LAMB3: variants seen among roughly 807,000 people sequenced by gnomAD.
LAMB3 encodes the protein laminin subunit beta 3.
Under a neutral mutation model 140.3 loss-of-function variants are expected in LAMB3, and 104 were observed. The observed-to-expected ratio is 0.74, with a 90% CI of 0.63 to 0.87. LAMB3 has a LOEUF of 0.87. Among genes scored for constraint, LAMB3 ranks in the 40% least tolerant of loss-of-function variants. LAMB3 has a pLI of 0.00. For synonymous variants in LAMB3, 592 were observed against 602.9 expected (o/e 0.98, Z 0.26); for missense variants, 1,531 against 1,575.2 (o/e 0.97, Z 0.47).
intron 8 of LAMB3, among the ~76,000 whole-genome samples, chr1:209,632,295 T>C (rs1465689905): frequency 1.3e-5 from 2 of 152,208 alleles, no homozygotes; most frequent in Non-Finnish European, 2.9e-5. Context: ...AGTGAAATTA[T>C]AATGCATAAC....
Position 209,623,639 on chromosome 1 carries a change from G to A in LAMB3, c.2224C>T (p.Leu742Phe). Residue 742 changes from leucine to phenylalanine, a missense_variant, in exon 16 of 23, where the codon CTC becomes TTC. Transcript: ENST00000356082. This position sits in a 1 kb window ranked among gnomAD's most constrained non-coding sequence, Gnocchi z 4.2. ...TCTGCCTCTCTCCGGCTGTCCCTGA[G>A]CTGGTCCAAAAGGCGCGAGCTGTCG... is the stretch of plus-strand genomic sequence containing the variant. Reference protein sequence around the residue: ...VSDSSRLLDQLRDSRREAERL... With the variant: ...VSDSSRLLDQFRDSRREAERL... The A allele has an allele frequency of 6.2e-7, 1 of 1,614,216 alleles. No individual in the cohort carries two copies. The highest frequency in any genetic ancestry group is 8.5e-7 in the Non-Finnish European group (1 of 1,180,030).
rs146647886 is a variant in LAMB3, at chr1:209,625,847, G to T, written c.1777C>A (p.Arg593=). 6.2e-7 allele frequency: 1 copy of T among 1,614,068 alleles called. No homozygotes were observed. Residue 593 remains arginine (R), a synonymous_variant, in exon 14 of 23, where the codon CGG becomes AGG. Transcript: ENST00000356082. ...CTACCAAAGCGCAGGGCCTGCTCCC[G>T]GAGGTCCGCATCATAGGTCTGGAAG... ...PCFQTYDADL[R]EQALRFGRLR...
At chr1:209,622,720 A>G (rs1389080303) in intron 17 of LAMB3, 40 bp from the exon 18 acceptor site, 2 of 1,613,452 alleles carry the variant, frequency 1.2e-6, no homozygotes, top group South Asian at 1.1e-5. Context: ...GTAAGGCCCC[A>G]AGGGAACCTC....
chr1:209,626,844 T>C, intron 13 of LAMB3, 23 bp downstream of exon 13: 1 of 1,581,500 alleles, frequency 6.3e-7, no homozygotes, highest in South Asian at 1.1e-5. Flanking sequence ...AGCCTCAGCG[T>C]CCCCCAGGCT....
chr1:209,617,391 A>C lies in LAMB3; in HGVS notation c.3228+19T>G, dbSNP rs1202468866. 6.2e-7 allele frequency: 1 copy of C among 1,611,410 alleles called. No individual in the cohort carries two copies. Among genetic ancestry groups the C allele is most frequent in the East Asian group, 2.2e-5 (1 of 44,890 alleles). ...CTCACTGGCCGTACATCATTGAGCT[A>C]ACTCCGCCTTCTCTGTACCTCTTGG... is the stretch of plus-strand genomic sequence containing the variant. On this transcript the variant is annotated intron_variant, in intron 21 of 22. Transcript: ENST00000356082.
At chr1:209,638,512 C>T (rs1471017082) in intron 4 of LAMB3, 22 bp downstream of exon 4, 1 of 1,486,830 alleles carries the variant, frequency 6.7e-7, no homozygotes, top group Admixed American at 1.7e-5. Flanking sequence ...AGTTTGAGTT[C>T]CCGTAGATGG....
rs1216294419 is a variant in LAMB3, at chr1:209,618,652, G to A, written c.2709C>T (p.Asp903=). The change falls in exon 19 of 23, where the codon GAC becomes GAT. Residue 903 remains aspartate (D), a synonymous_variant. Transcript: ENST00000356082. ...QQVRDFLTDP[D]TDAATIQEVS... Reference sequence around the variant, plus strand: ...CCTCCTGGATAGTGGCTGCATCAGTGTCGGGGTCTGGAAGACAACACGCAT... The same window carrying A: ...CCTCCTGGATAGTGGCTGCATCAGTATCGGGGTCTGGAAGACAACACGCAT... The A allele has an allele frequency of 1.3e-6, 2 of 1,530,734 alleles. No homozygotes were observed. Among genetic ancestry groups the A allele is most frequent in the East Asian group, 2.4e-5 (1 of 41,786 alleles). 94.8% of individuals were successfully genotyped at this position (1,530,734 alleles called of 1,614,324 possible). A position where few individuals can be genotyped will look rare whatever the true frequency, so the allele number is the denominator to read the frequency against.
At chr1:209,635,296 C>T (rs553715597) in intron 5 of LAMB3, among the ~76,000 whole-genome samples, 1 of 152,354 alleles carries the variant, frequency 6.6e-6, no homozygotes, top group African/African-American at 2.4e-5. Flanking sequence ...GTCTCTCCAG[C>T]TTCAGGGTCC....
chr1:209,618,458 T>TCCTCAG lies in LAMB3; in HGVS notation c.2897_2902dup (p.Ala966_Glu967dup). The stretch of plus-strand genomic sequence containing the variant: ...TCAGGGCCCAAGGCCATACCTGGCT[T>TCCTCAG]CCTCAGCCTCAGCCTGCAACCGGCG... On this transcript the variant is annotated inframe_insertion, in exon 19 of 23. Transcript: ENST00000356082. 6.8e-6 allele frequency: 11 copies of TCCTCAG among 1,613,818 alleles called. No homozygotes were observed. Among genetic ancestry groups the TCCTCAG allele is most frequent in the Non-Finnish European group, 8.5e-6 (10 of 1,180,030 alleles).
rs146399283 is a variant in LAMB3, at chr1:209,640,898, A to G, written c.184-2250T>C. ...AGATCGAGACCATCCTGGCTAACAC[A>G]GTGAAACCCCCTCTCTACTAAAAAT... On this transcript the variant is annotated intron_variant, in intron 3 of 22. Transcript: ENST00000356082. Among the ~76,000 whole-genome samples the G allele has an allele frequency of 8.4e-3, 1,270 of 151,832 alleles. 10 individuals carry two copies. Among genetic ancestry groups the G allele is most frequent in the African/African-American group, 0.028 (1,170 of 41,430 alleles).
In LAMB3 at chr1:209,622,700, G is replaced by A. The variant is rs533942309; in HGVS notation, c.2557-20C>T. ...CCTAATCTGTTGACATACACTCTAGGTCAGAAGGGGTAAGGCCCCAAGGGA... is the reference window on the plus strand; with the variant it reads ...CCTAATCTGTTGACATACACTCTAGATCAGAAGGGGTAAGGCCCCAAGGGA... On this transcript the variant is annotated intron_variant, in intron 17 of 22. Transcript: ENST00000356082. 2 of 1,614,020 alleles carry A rather than the reference G, an allele frequency of 1.2e-6. No homozygotes were observed. The highest frequency in any genetic ancestry group is 1.7e-6 in the Non-Finnish European group (2 of 1,179,992).
chr1:209,616,722 G>T, intron 21 of LAMB3, 98 bp from the exon 22 acceptor site: 1 of 1,215,868 alleles, frequency 8.2e-7, no homozygotes, highest in Non-Finnish European at 1.2e-6. Flanking sequence ...AATACACAGT[G>T]GGAAGGTGCC....
At position 209,623,315 on chromosome 1, in the gene LAMB3, G is replaced by A; in HGVS notation, c.2359-136C>T. 1.9e-6 allele frequency: 2 copies of A among 1,049,482 alleles called. No individual in the cohort carries two copies. The highest frequency in any genetic ancestry group is 2.9e-6 in the Non-Finnish European group (2 of 687,404). The allele number at this position is 1,049,482 out of a possible 1,614,324, so 65.0% of individuals were successfully genotyped here. A position where few individuals can be genotyped will look rare whatever the true frequency, so the allele number is the denominator to read the frequency against. Reference sequence around the variant, plus strand: ...GAAACAGCCAGACATCTCCATGAGAGCTAAGGACCAGAAACTGGTTTCCTT... The same window carrying A: ...GAAACAGCCAGACATCTCCATGAGAACTAAGGACCAGAAACTGGTTTCCTT... On this transcript the variant is annotated intron_variant, in intron 16 of 22. Coordinates refer to ENST00000356082, the MANE Select transcript of LAMB3 (RefSeq NM_000228.3). The surrounding 1 kb of genome is among the most constrained non-coding windows in gnomAD (Gnocchi z 4.2).
At chr1:209,615,639 TCCCTGGGCCCCTG>T (rs1665930869) in intron 22 of LAMB3, among the ~76,000 whole-genome samples, 3 of 152,158 alleles carry the variant, frequency 2.0e-5, no homozygotes, top group Admixed American at 1.3e-4. Context: ...CTCCTAATTA[TCCCTGGGCCCCTG>T]ACCCTCTGGG....
At chr1:209,615,530 A>C (rs1353326430) in intron 22 of LAMB3, 123 bp from the exon 23 acceptor site, 30 of 1,191,392 alleles carry the variant, frequency 2.5e-5, no homozygotes, top group Non-Finnish European at 3.1e-5. Flanking sequence ...CTCCAGAAAA[A>C]TCTGGCCTCT....
Position 209,623,253 on chromosome 1 carries a change from A to G in LAMB3, c.2359-74T>C. 1 of 1,442,432 alleles carries G rather than the reference A, an allele frequency of 6.9e-7. No individual in the cohort carries two copies. The highest frequency in any genetic ancestry group is 9.7e-7 in the Non-Finnish European group (1 of 1,034,056). The allele number at this position is 1,442,432 out of a possible 1,614,324, so 89.4% of individuals were successfully genotyped here. A position where few individuals can be genotyped will look rare whatever the true frequency, so the allele number is the denominator to read the frequency against. ...ACCAATCCCACCCCACACCTGGGAAACCAACAGCCAGACATCTCCATGACA... is the reference window on the plus strand; with the variant it reads ...ACCAATCCCACCCCACACCTGGGAAGCCAACAGCCAGACATCTCCATGACA... On this transcript the variant is annotated intron_variant, in intron 16 of 22. Transcript: ENST00000356082. This position sits in a 1 kb window ranked among gnomAD's most constrained non-coding sequence, Gnocchi z 4.2.
At position 209,633,046 on chromosome 1, in the gene LAMB3, G is replaced by A. The variant is rs191209627; in HGVS notation, c.628+24C>T. ...TTCCTTTCCCACCCATAGTTCCATGGACAAGAGAAGTAACCACACTGACCT... is the reference window on the plus strand; with the variant it reads ...TTCCTTTCCCACCCATAGTTCCATGAACAAGAGAAGTAACCACACTGACCT... On this transcript the variant is annotated intron_variant, in intron 7 of 22. Transcript: ENST00000356082. The A allele has an allele frequency of 2.4e-5, 37 of 1,547,934 alleles. No individual in the cohort carries two copies. In the Admixed American group the frequency reaches 6.0e-4, roughly 25 times the overall value.
chr1:209,616,587 T>C lies in LAMB3; in HGVS notation c.3266A>G (p.Lys1089Arg). The C allele has an allele frequency of 6.2e-7, 1 of 1,614,180 alleles. No individual in the cohort carries two copies. ...CATGGAACTCTGACCCAACCGGTCC[T>C]TCAACTCAGCATACTTTTGTTTTAT... The part of the protein sequence containing the change: ...ERIKQKYAEL[K>R]DRLGQSSMLG... Residue 1089 changes from lysine (K) to arginine (R), a missense_variant, in exon 22 of 23, where the codon AAG (lysine) becomes AGG (arginine). Lys to Arg is a conservative substitution (Grantham distance 26). Transcript: ENST00000356082.
rs565416040 is a variant in LAMB3 at position 209,634,552 on chromosome 1, G to A, written c.459C>T (p.Cys153=). The A allele has an allele frequency of 4.4e-5, 71 of 1,614,158 alleles. No individual in the cohort carries two copies. In the South Asian group the frequency reaches 7.5e-4, roughly 17 times the overall value. The part of the protein sequence containing the change: ...WRVYQYLAAD[C]TSTFPRVRQG... ...GGCGGACCCGAGGGAAGGTGGAGGTGCAGTCGGCAGCCAGGTACTGGTACA... is the reference window on the plus strand; with the variant it reads ...GGCGGACCCGAGGGAAGGTGGAGGTACAGTCGGCAGCCAGGTACTGGTACA... The change falls in exon 6 of 23, where the codon TGC becomes TGT. Residue 153 remains cysteine (C), a synonymous_variant. Transcript: ENST00000356082.
Sources: allele counts gnomAD v4.1 joint callset (sites outside exome capture counted in the v4.1 genomes callset), GRCh38; gene constraint gnomAD v4.1.1; non-coding constraint Gnocchi (gnomAD v3.1); transcripts MANE v1.5; gene names NCBI Gene and HGNC (gene_info 2026-07-23, HGNC 2026-07-21).